The following IKZF2 variants were observed in gnomAD, a reference collection of about 807,000 sequenced individuals.
The protein encoded by IKZF2 is zinc finger protein Helios.
IKZF2 carries 15 observed loss-of-function variants against 49.2 expected under a neutral mutation model. That is an observed-to-expected ratio of 0.30 (90% confidence interval 0.20 to 0.47). IKZF2 has a LOEUF of 0.47. IKZF2 is among the 20% of genes least tolerant of loss of function. IKZF2 has a pLI of 1.00. For missense variants in IKZF2, 567 were observed against 664.6 expected (o/e 0.85, Z 1.61); for synonymous variants, 227 against 221.4 (o/e 1.03, Z -0.23).
rs113062354 is a variant in IKZF2, at chr2:213,002,868, G to T, written c.*4492C>A. On this transcript the variant is annotated 3_prime_UTR_variant, in exon 9 of 9. Coordinates refer to ENST00000434687, the MANE Select transcript of IKZF2 (RefSeq NM_001387220.1). Reference sequence around the variant, plus strand: ...ATCTAATAAATTCTTGTTTGATACAGAACTTATTCTTCCTTAAAAACAAAA... The same window carrying T: ...ATCTAATAAATTCTTGTTTGATACATAACTTATTCTTCCTTAAAAACAAAA... 18 of 151,988 alleles carry T rather than the reference G, an allele frequency of 1.2e-4. No homozygotes were observed. The highest frequency in any genetic ancestry group is 4.1e-4 in the African/African-American group (17 of 41,480). 9.4% of individuals were successfully genotyped at this position (151,988 alleles called of 1,614,324 possible). A position where few individuals can be genotyped will look rare whatever the true frequency, so the allele number is the denominator to read the frequency against.
At chr2:213,150,448 A>G (rs200749869) in intron 1 of IKZF2, 2,017 of 176,762 alleles carry the variant, frequency 0.011, 19 homozygotes, top group Non-Finnish European at 0.016. Flanking sequence ...GAGAGAGAAG[A>G]ACACCCCCCT....
chr2:213,057,252 G>A (rs1350666465), intron 4 of IKZF2, among the ~76,000 whole-genome samples, 153 bp from the exon 5 acceptor site: 1 of 152,114 alleles, frequency 6.6e-6, no homozygotes, highest in Non-Finnish European at 1.5e-5. Flanking sequence ...AATACATACT[G>A]TGTTCTATGA....
At chr2:213,138,292 C>T (rs988653681) in intron 4 of IKZF2, among the ~76,000 whole-genome samples, 8 of 152,004 alleles carry the variant, frequency 5.3e-5, no homozygotes, top group Admixed American at 4.6e-4. Flanking sequence ...TTCCACTGAA[C>T]ATGGTTGTAT....
intron 4 of IKZF2, among the ~76,000 whole-genome samples, chr2:213,127,678 T>C (rs2060312052): frequency 6.6e-6 from 1 of 152,230 alleles, no homozygotes; most frequent in South Asian, 2.1e-4. Flanking sequence ...TAAAGACAGC[T>C]AATCCAACCC....
rs567252455 is a variant in IKZF2, at chr2:213,135,862, A to T, written c.139+11846T>A. ...TCAGGAGTACGAGAGCGCCTGACCA[A>T]CATGGTGAAACCCCGTCTCCACTAA... On this transcript the variant is annotated intron_variant, in intron 4 of 8. Coordinates refer to ENST00000434687, the MANE Select transcript of IKZF2 (RefSeq NM_001387220.1). 2.6e-5 allele frequency among the ~76,000 whole-genome samples: 4 copies of T among 151,694 alleles called. No homozygotes were observed. The South Asian group carries it at 8.3e-4, about 32-fold the overall frequency.
At chr2:213,085,347 A>G (rs1704462574) in intron 4 of IKZF2, among the ~76,000 whole-genome samples, 2 of 152,214 alleles carry the variant, frequency 1.3e-5, no homozygotes, top group Non-Finnish European at 2.9e-5. Context: ...CCAGCAAGGC[A>G]AGTGACACTA....
At chr2:213,077,736 C>A (rs1003592245) in intron 4 of IKZF2, among the ~76,000 whole-genome samples, 1 of 151,544 alleles carries the variant, frequency 6.6e-6, no homozygotes, top group African/African-American at 2.4e-5. Context: ...TACAGGCGCC[C>A]GCCACCATGT....
intron 4 of IKZF2, among the ~76,000 whole-genome samples, chr2:213,092,767 G>A (rs1705496530): frequency 6.6e-6 from 1 of 152,168 alleles, no homozygotes; most frequent in African/African-American, 2.4e-5. Context: ...AATGTTGGTT[G>A]CCAGGTGGGG....
chr2:213,116,210 G>A (rs1278635201), intron 4 of IKZF2, among the ~76,000 whole-genome samples: 1 of 152,146 alleles, frequency 6.6e-6, no homozygotes, highest in Non-Finnish European at 1.5e-5. Flanking sequence ...CTCTGTAGCT[G>A]TTAATAATTA....
chr2:213,017,848 T>C (rs1418227745), intron 7 of IKZF2, among the ~76,000 whole-genome samples: 1 of 152,178 alleles, frequency 6.6e-6, no homozygotes, highest in African/African-American at 2.4e-5. Flanking sequence ...AGCTGGTAAA[T>C]AACCTCAGGG....
intron 6 of IKZF2, among the ~76,000 whole-genome samples, chr2:213,045,066 G>C (rs1171134439): frequency 1.3e-5 from 2 of 152,186 alleles, no homozygotes; most frequent in East Asian, 1.9e-4. Flanking sequence ...CATGAGGCTA[G>C]TGGCTACCAT....
In IKZF2 at chr2:213,007,776, G is replaced by C; in HGVS notation, c.1165C>G (p.Pro389Ala). Reference sequence around the variant, plus strand: ...TCTCTTTCCTGGGGTCGACTCTTTGGTCTGATGAGAGAGATGGGGCCATCC... The same window carrying C: ...TCTCTTTCCTGGGGTCGACTCTTTGCTCTGATGAGAGAGATGGGGCCATCC... ...NMDGPISLIR[P>A]KSRPQEREAS... Residue 389 changes from proline to alanine, a missense_variant, in exon 9 of 9, where the codon CCA becomes GCA. Physicochemically the swap from Pro to Ala is conservative, Grantham distance 27. Coordinates refer to ENST00000434687, the MANE Select transcript of IKZF2 (RefSeq NM_001387220.1). 6.2e-7 allele frequency: 1 copy of C among 1,613,638 alleles called. No individual in the cohort carries two copies. Among genetic ancestry groups the C allele is most frequent in the Non-Finnish European group, 8.5e-7 (1 of 1,179,744 alleles).
At chr2:213,014,876 T>C (rs1871945) in intron 7 of IKZF2, 85,293 of 151,842 alleles carry the variant, frequency 0.56, 24,781 homozygotes, top group East Asian at 0.82. Context: ...TTGTTTATTG[T>C]TGCTTTCTCC....
At chr2:213,147,912 A>G in intron 3 of IKZF2, 100 bp from the exon 4 acceptor site, 2 of 771,088 alleles carry the variant, frequency 2.6e-6, no homozygotes, top group East Asian at 4.9e-5. Context: ...ATAGCCTTCA[A>G]ACTGTAAGGT....
At chr2:213,029,989 AAAT>A (rs1698236240) in intron 6 of IKZF2, among the ~76,000 whole-genome samples, 1 of 152,132 alleles carries the variant, frequency 6.6e-6, no homozygotes, top group Non-Finnish European at 1.5e-5. Flanking sequence ...CTGTCCTTTC[AAAT>A]GATCTATTTC....
intron 4 of IKZF2, among the ~76,000 whole-genome samples, chr2:213,141,262 A>ATATG (rs2060858008): frequency 6.6e-6 from 1 of 151,950 alleles, no homozygotes; most frequent in Non-Finnish European, 1.5e-5. Context: ...AATCATTGAA[A>ATATG]CAGCCTGTTA....
At chr2:213,140,692 C>A (rs2060833420) in intron 4 of IKZF2, among the ~76,000 whole-genome samples, 1 of 151,794 alleles carries the variant, frequency 6.6e-6, no homozygotes, top group African/African-American at 2.4e-5. Flanking sequence ...TCAATCACAT[C>A]AATTAATTCA....
At chr2:213,009,055 C>T (rs1227435048) in intron 8 of IKZF2, among the ~76,000 whole-genome samples, 1 of 151,912 alleles carries the variant, frequency 6.6e-6, no homozygotes, top group Non-Finnish European at 1.5e-5. Flanking sequence ...CATTGTTTTG[C>T]TTCTTGAAAT....
In IKZF2 at chr2:213,002,814, G is replaced by A. The variant is rs1695020586; in HGVS notation, c.*4546C>T. 6.6e-6 allele frequency: 1 copy of A among 151,870 alleles called. No individual in the cohort carries two copies. Among genetic ancestry groups the A allele is most frequent in the South Asian group, 2.1e-4 (1 of 4,812 alleles). The allele number at this position is 151,870 out of a possible 1,614,324, so 9.4% of individuals were successfully genotyped here. Reference sequence around the variant, plus strand: ...CTAGTCTGGAGATGAAAATCCAAATGAATACTGTATTTTATTGACCAAAAA... The same window carrying A: ...CTAGTCTGGAGATGAAAATCCAAATAAATACTGTATTTTATTGACCAAAAA... On this transcript the variant is annotated 3_prime_UTR_variant, in exon 9 of 9. Coordinates refer to ENST00000434687, the MANE Select transcript of IKZF2 (RefSeq NM_001387220.1).
Sources: gnomAD v4.1 joint callset for allele counts (sites outside exome capture counted in the v4.1 genomes callset) on GRCh38, gnomAD v4.1.1 for gene constraint, MANE v1.5 for transcripts, NCBI Gene and HGNC (gene_info 2026-07-23, HGNC 2026-07-21) for gene names.